The following LDLRAP1 variants were observed in gnomAD, a reference collection of about 807,000 sequenced individuals.
LDLRAP1 encodes low density lipoprotein receptor adapter protein 1.
In LDLRAP1, 30 loss-of-function variants were observed where a neutral mutation model predicts 37.8. That is an observed-to-expected ratio of 0.79 (90% CI 0.59 to 1.08). LDLRAP1 has a LOEUF of 1.08. Among genes scored for constraint, LDLRAP1 ranks in the 50% least tolerant of loss-of-function variants. The pLI is 0.00. For synonymous variants in LDLRAP1, 156 were observed against 169.8 expected, an observed-to-expected ratio of 0.92 and a Z score of 0.63; for missense variants, 375 against 401.6, an observed-to-expected ratio of 0.93 and a Z score of 0.57.
chr1:25,548,331 T>A (rs2043987293), intron 1 of LDLRAP1, among the ~76,000 whole-genome samples: 1 of 142,554 alleles, frequency 7.0e-6, no homozygotes, highest in Non-Finnish European at 1.5e-5. Context: ...CATGGATGGA[T>A]ACTCTTTTTT....
At chr1:25,566,712 C>A in intron 8 of LDLRAP1, 136 bp from the exon 9 acceptor site, 1 of 1,056,674 alleles carries the variant, frequency 9.5e-7, no homozygotes, top group Non-Finnish European at 1.4e-6. Context: ...TCTGAGGTTA[C>A]TCCACCTCCC....
intron 1 of LDLRAP1, among the ~76,000 whole-genome samples, chr1:25,552,802 T>A (rs1208930864): frequency 2.6e-5 from 4 of 152,204 alleles, no homozygotes; most frequent in Admixed American, 2.6e-4. Context: ...GTGTCCCTCC[T>A]GGTCCATTTG....
At chr1:25,562,892 C>T in intron 5 of LDLRAP1, 176 bp downstream of exon 5, 1 of 809,578 alleles carries the variant, frequency 1.2e-6, no homozygotes, top group Non-Finnish European at 2.1e-6. Context: ...GAACAGCCGT[C>T]TCCCTCCCCA....
At chr1:25,570,268 T>C (rs1435360607), downstream of LDLRAP1, among the ~76,000 whole-genome samples, 1 of 152,228 alleles carries the variant, frequency 6.6e-6, no homozygotes, top group African/African-American at 2.4e-5. Context: ...ATGTCTTTAG[T>C]CTCCGGATGT....
chr1:25,565,846 C>T (rs2044465422), intron 8 of LDLRAP1, among the ~76,000 whole-genome samples: 1 of 152,146 alleles, frequency 6.6e-6, no homozygotes, highest in Non-Finnish European at 1.5e-5. Context: ...ACTTGAGACC[C>T]TCAGCAGCCT....
chr1:25,572,680 C>T (rs1198593445), downstream of LDLRAP1, among the ~76,000 whole-genome samples: 2 of 152,170 alleles, frequency 1.3e-5, no homozygotes, highest in East Asian at 3.9e-4. Context: ...CGACTCCATG[C>T]CCAGTCCTCC....
At chr1:25,575,014 G>A in the LDLRAP1 span, among the ~76,000 whole-genome samples, 1 of 152,184 alleles carries the variant, frequency 6.6e-6, no homozygotes, top group Non-Finnish European at 1.5e-5. Context: ...TGGATACTTG[G>A]GTTCAGGGTC....
At chr1:25,550,549 G>A (rs2044048180) in intron 1 of LDLRAP1, among the ~76,000 whole-genome samples, 1 of 152,160 alleles carries the variant, frequency 6.6e-6, no homozygotes, top group African/African-American at 2.4e-5. Flanking sequence ...GAGCTTCTTG[G>A]GGTAGGGGGT....
the LDLRAP1 span, among the ~76,000 whole-genome samples, chr1:25,577,520 T>A: frequency 6.6e-6 from 1 of 151,846 alleles, no homozygotes; most frequent in East Asian, 1.9e-4. Flanking sequence ...GGAGGCAGAG[T>A]CACATGCCAG....
rs1045111152 is a variant in LDLRAP1, at chr1:25,556,439, C to T, written c.345-714C>T. On this transcript the variant is annotated intron_variant, in intron 3 of 8. Transcript: ENST00000374338. ...CCACTGGGGCTCCTTGTTGGGTCCT[C>T]GTCACACACGCACCCCACCCCTACT... Among the ~76,000 whole-genome samples, 3 of 152,130 alleles carry T rather than the reference C, an allele frequency of 2.0e-5. No individual in the cohort carries two copies. In the East Asian group the frequency reaches 5.8e-4, roughly 29 times the overall value.
chr1:25,563,805 T>C lies in LDLRAP1; in HGVS notation c.747+14T>C. 1 of 1,613,448 alleles carries C rather than the reference T, an allele frequency of 6.2e-7. No individual in the cohort carries two copies. On this transcript the variant is annotated intron_variant, in intron 7 of 8. Coordinates refer to ENST00000374338, the MANE Select transcript of LDLRAP1 (RefSeq NM_015627.3). ...AGTGTTGTCTGGGTGAGTGGTTGTG[T>C]GGCCAGCAGATCGGTGATCCTCAGC...
Position 25,543,801 on chromosome 1 carries a change from G to C in LDLRAP1, c.88+15G>C. On this transcript the variant is annotated intron_variant, in intron 1 of 8. Coordinates refer to ENST00000374338, the MANE Select transcript of LDLRAP1 (RefSeq NM_015627.3). ...CCGGCACCGCAGTGAGTGTGCGCGC[G>C]TCAGCCGGGCCGGGCCGGGATCGGG... 25 of 1,202,342 alleles carry C rather than the reference G, an allele frequency of 2.1e-5. No homozygotes were observed. Among genetic ancestry groups the C allele is most frequent in the Non-Finnish European group, 2.5e-5 (24 of 968,180 alleles). 74.5% of individuals were successfully genotyped at this position (1,202,342 alleles called of 1,614,324 possible). A position where few individuals can be genotyped will look rare whatever the true frequency, so the allele number is the denominator to read the frequency against.
At chr1:25,557,501 C>T (rs2044235498) in intron 4 of LDLRAP1, 4 of 583,070 alleles carry the variant, frequency 6.9e-6, no homozygotes, top group Non-Finnish European at 9.2e-6. Flanking sequence ...TGGCCCATGT[C>T]CCCAGTGTGT....
the LDLRAP1 span, chr1:25,581,882 A>G: frequency 6.6e-6 from 1 of 152,276 alleles, no homozygotes; most frequent in East Asian, 1.9e-4. Flanking sequence ...TGAGGCTGCC[A>G]ATACTGCCCC....
rs2044497748 is a variant in LDLRAP1, at chr1:25,566,902, G to A, written c.837G>A (p.Gln279=). The change falls in exon 9 of 9, where the codon CAG becomes CAA. Residue 279 remains glutamine, a synonymous_variant. Coordinates refer to ENST00000374338, the MANE Select transcript of LDLRAP1 (RefSeq NM_015627.3). ...PQVLDTGLTA[Q]DMHYAQCLSP... is the part of the protein sequence containing the mutation. Reference sequence around the variant, plus strand: ...TCCTGGACACTGGCCTGACAGCCCAGGACATGCATTACGCCCAGTGCCTCT... The same window carrying A: ...TCCTGGACACTGGCCTGACAGCCCAAGACATGCATTACGCCCAGTGCCTCT... 2 of 1,613,216 alleles carry A rather than the reference G, an allele frequency of 1.2e-6. No individual in the cohort carries two copies. Among genetic ancestry groups the A allele is most frequent in the Admixed American group, 3.3e-5 (2 of 59,972 alleles).
downstream of LDLRAP1, among the ~76,000 whole-genome samples, chr1:25,572,738 A>G (rs575735900): frequency 3.9e-4 from 60 of 152,320 alleles, no homozygotes; most frequent in Non-Finnish European, 7.5e-4. Flanking sequence ...TCTTGCTAGA[A>G]GGGGCCCATG....
At chr1:25,580,927 C>T in the LDLRAP1 span, among the ~76,000 whole-genome samples, 2 of 152,290 alleles carry the variant, frequency 1.3e-5, no homozygotes, top group East Asian at 3.9e-4. Context: ...GAGAACCCGG[C>T]AGGACACCAT....
chr1:25,558,451 T>C (rs1046799803), intron 4 of LDLRAP1, among the ~76,000 whole-genome samples: 4 of 152,210 alleles, frequency 2.6e-5, no homozygotes, highest in Non-Finnish European at 5.9e-5. Context: ...ATGTATTCTC[T>C]TATGGAGAAG....
In LDLRAP1 at chr1:25,568,387, C is replaced by T. The variant is rs573882275; in HGVS notation, c.*1395C>T. The T allele has an allele frequency of 6.6e-6, 1 of 152,430 alleles. No homozygotes were observed. The highest frequency in any genetic ancestry group is 2.1e-4 in the South Asian group (1 of 4,830). The allele number at this position is 152,430 out of a possible 1,614,324, so 9.4% of individuals were successfully genotyped here. A position where few individuals can be genotyped will look rare whatever the true frequency, so the allele number is the denominator to read the frequency against. ...GCTTTCCTTCCTCCCCTTTTGCCCC[C>T]GTGGGGCTCCCGGCATCCTGAAAGC... On this transcript the variant is annotated 3_prime_UTR_variant, in exon 9 of 9. Coordinates refer to ENST00000374338, the MANE Select transcript of LDLRAP1 (RefSeq NM_015627.3).
Sources: allele counts gnomAD v4.1 joint callset (sites outside exome capture counted in the v4.1 genomes callset), GRCh38; gene constraint gnomAD v4.1.1; transcripts MANE v1.5; gene names NCBI Gene and HGNC (gene_info 2026-07-23, HGNC 2026-07-21).